The following TM7SF3 variants were observed in gnomAD, a reference collection of about 807,000 sequenced individuals.
TM7SF3 encodes the protein seven span transmembrane protein.
Under a neutral mutation model 65.5 loss-of-function variants are expected in TM7SF3, and 60 were observed. The ratio of observed to expected loss-of-function variants is 0.92; its 90% CI spans 0.74 to 1.14. The LOEUF is 1.14. TM7SF3 is among the 50% of genes most tolerant of loss of function. The pLI, the probability that TM7SF3 is intolerant of heterozygous loss-of-function variation, is 0.00. For missense variants in TM7SF3, 623 were observed against 684.8 expected (o/e 0.91, Z 1.01); for synonymous variants, 264 against 259.6 (o/e 1.02, Z -0.16).
At chr12:26,989,556 G>A (rs957103834) in intron 6 of TM7SF3, among the ~76,000 whole-genome samples, 1 of 151,912 alleles carries the variant, frequency 6.6e-6, no homozygotes, top group East Asian at 1.9e-4. Flanking sequence ...AGAATGAAAA[G>A]CAAATAGCCT....
chr12:26,983,412 T>G (rs191250287), intron 6 of TM7SF3: 2 of 356,716 alleles, frequency 5.6e-6, no homozygotes, highest in East Asian at 1.5e-4. Context: ...TAAAGAAATA[T>G]TTTCAATATT....
chr12:26,980,925 T>G (rs1939787830), intron 7 of TM7SF3, among the ~76,000 whole-genome samples: 1 of 152,250 alleles, frequency 6.6e-6, no homozygotes, highest in African/African-American at 2.4e-5. Flanking sequence ...AATTGTTATT[T>G]GTTCATTTCA....
chr12:26,999,590 G>A lies in TM7SF3; in HGVS notation c.333C>T (p.Tyr111=). Residue 111 remains tyrosine, a synonymous_variant, in exon 3 of 12, where the codon TAC becomes TAT. Coordinates refer to ENST00000343028, the MANE Select transcript of TM7SF3 (RefSeq NM_016551.3). ...CAGGCTGTATGCCTGAAGTCCCCAA[G>A]TACCAAGTGCATGTACTCTGCTCTG... is the stretch of plus-strand genomic sequence containing the variant. ...LRPEQSTCTW[Y]LGTSGIQPVQ... is the part of the protein sequence containing the mutation. The A allele has an allele frequency of 6.2e-7, 1 of 1,614,158 alleles. No homozygotes were observed. The highest frequency in any genetic ancestry group is 1.1e-5 in the South Asian group (1 of 91,088).
chr12:26,974,617 C>T (rs758838758), intron 11 of TM7SF3, among the ~76,000 whole-genome samples: 16 of 152,174 alleles, frequency 1.1e-4, no homozygotes, highest in Non-Finnish European at 1.2e-4. Context: ...GATTCCACCA[C>T]GCTCATTTCT....
At chr12:27,000,975 C>T (rs1224307567) in intron 2 of TM7SF3, among the ~76,000 whole-genome samples, 1 of 151,838 alleles carries the variant, frequency 6.6e-6, no homozygotes, top group African/African-American at 2.4e-5. Context: ...GAGGTTCTAT[C>T]AAAGCTAAGG....
At chr12:27,005,765 G>T (rs1403862512) in intron 1 of TM7SF3, among the ~76,000 whole-genome samples, 1 of 151,878 alleles carries the variant, frequency 6.6e-6, no homozygotes, top group Admixed American at 6.6e-5. Flanking sequence ...AAGTAGGGGG[G>T]TATTAAAAGC....
chr12:26,996,368 C>T (rs890302576), intron 4 of TM7SF3, among the ~76,000 whole-genome samples: 3 of 152,110 alleles, frequency 2.0e-5, no homozygotes, highest in Non-Finnish European at 2.9e-5. Context: ...GCTATCATTA[C>T]TATTAAAGCA....
At chr12:26,985,652 A>AATATATATAT (rs71069288) in intron 6 of TM7SF3, among the ~76,000 whole-genome samples, 17 of 39,108 alleles carry the variant, frequency 4.3e-4, no homozygotes, top group Admixed American at 2.8e-3. Context: ...AAAAAAAAAA[A>AATATATATAT]ATATATATAT....
chr12:26,990,665 AT>A (rs759066638), intron 5 of TM7SF3, 38 bp from the exon 6 acceptor site: 62 of 1,550,432 alleles, frequency 4.0e-5, no homozygotes, highest in Non-Finnish European at 5.0e-5. Context: ...TGTTTAGGGG[AT>A]TTTTTTAAGC....
Position 26,973,863 on chromosome 12 carries a change from G to C in TM7SF3, c.*102C>G, listed in dbSNP as rs1939455592. 1 of 1,409,204 alleles carries C rather than the reference G, an allele frequency of 7.1e-7. No individual in the cohort carries two copies. The highest frequency in any genetic ancestry group is 1.4e-5 in the African/African-American group (1 of 69,918). The allele number at this position is 1,409,204 out of a possible 1,614,324, so 87.3% of individuals were successfully genotyped here. On this transcript the variant is annotated 3_prime_UTR_variant, in exon 12 of 12. Transcript: ENST00000343028. ...GCACCATAATATTATGCAAAGAACA[G>C]ATATATATGCCTGATCTCTTATTAG... is the stretch of plus-strand genomic sequence containing the variant.
chr12:26,982,522 A>T (rs1939861137), intron 7 of TM7SF3, among the ~76,000 whole-genome samples: 1 of 152,220 alleles, frequency 6.6e-6, no homozygotes, highest in African/African-American at 2.4e-5. Flanking sequence ...CAACTAACAG[A>T]TCTAGCAGCT....
chr12:26,988,423 C>T (rs1255121290), intron 6 of TM7SF3, among the ~76,000 whole-genome samples: 1 of 152,178 alleles, frequency 6.6e-6, no homozygotes, highest in Non-Finnish European at 1.5e-5. Flanking sequence ...CTTGACCTCC[C>T]AATGTGCTGG....
At chr12:26,999,867 T>C in intron 2 of TM7SF3, 191 bp from the exon 3 acceptor site, 1 of 540,592 alleles carries the variant, frequency 1.8e-6, no homozygotes, top group South Asian at 2.9e-5. Flanking sequence ...GAAAAAGCAT[T>C]CTTGAAAAAT....
chr12:26,981,923 G>A (rs1402280514), intron 7 of TM7SF3, among the ~76,000 whole-genome samples: 1 of 152,186 alleles, frequency 6.6e-6, no homozygotes, highest in Non-Finnish European at 1.5e-5. Flanking sequence ...TCTCAGGACT[G>A]AGCAGACATT....
chr12:26,974,171 T>G lies in TM7SF3; in HGVS notation c.1507A>C (p.Ile503Leu). The G allele has an allele frequency of 6.2e-7, 1 of 1,614,186 alleles. No homozygotes were observed. The highest frequency in any genetic ancestry group is 1.1e-5 in the South Asian group (1 of 91,082). ...AACGGTCGTCCTCTCTCTCTTCGAA[T>G]CTGTAACGTAATTCCACTTACAGCC... ...MLAVSGITLQ[I>L]RRERGRPFFP... The change falls in exon 12 of 12, where the codon ATT becomes CTT. Residue 503 changes from isoleucine (I) to leucine (L), a missense_variant. Physicochemically the swap from Ile to Leu is conservative, Grantham distance 5. Coordinates refer to ENST00000343028, the MANE Select transcript of TM7SF3 (RefSeq NM_016551.3).
intron 3 of TM7SF3, among the ~76,000 whole-genome samples, chr12:26,997,116 T>G (rs913290749): frequency 1.3e-5 from 2 of 152,190 alleles, no homozygotes; most frequent in Non-Finnish European, 2.9e-5. Context: ...GCTTTGTCAG[T>G]CTGATGGTCT....
chr12:27,003,545 T>C (rs1346096032), intron 1 of TM7SF3, 155 bp from the exon 2 acceptor site: 2 of 711,082 alleles, frequency 2.8e-6, no homozygotes, highest in Admixed American at 6.3e-5. Context: ...ACAATGTGGC[T>C]TAAAAAGTGA....
chr12:27,005,274 T>C (rs1473816459), intron 1 of TM7SF3, among the ~76,000 whole-genome samples: 1 of 152,174 alleles, frequency 6.6e-6, no homozygotes, highest in Non-Finnish European at 1.5e-5. Flanking sequence ...TCAACTCACT[T>C]ACTATCCTGC....
intron 3 of TM7SF3, among the ~76,000 whole-genome samples, chr12:26,998,799 T>C (rs2047939493): frequency 6.6e-6 from 1 of 152,176 alleles, no homozygotes; most frequent in Non-Finnish European, 1.5e-5. Flanking sequence ...ATTCCTCTGC[T>C]TAAAAACTCT....
Sources: gnomAD v4.1 joint callset for allele counts (sites outside exome capture counted in the v4.1 genomes callset) on GRCh38, gnomAD v4.1.1 for gene constraint, MANE v1.5 for transcripts, NCBI Gene and HGNC (gene_info 2026-07-23, HGNC 2026-07-21) for gene names.